Variants in LMLN observed in about 807,000 individuals in gnomAD.
LMLN encodes leishmanolysin-like peptidase.
LMLN carries 70 observed loss-of-function variants against 92.3 expected under a neutral mutation model. That is an observed-to-expected ratio of 0.76 (90% confidence interval 0.63 to 0.92). The LOEUF (loss-of-function observed/expected upper bound fraction) is 0.92, where lower values mean the gene tolerates loss of function less well. LMLN is among the 40% of genes least tolerant of loss of function. The pLI is 0.00. For missense variants in LMLN, 691 were observed against 814.6 expected (o/e 0.85, Z 1.85); for synonymous variants, 308 against 296.2 (o/e 1.04, Z -0.41).
chr3:198,014,266 G>A (rs1396642687), intron 11 of LMLN, among the ~76,000 whole-genome samples: 2 of 141,652 alleles, frequency 1.4e-5, no homozygotes, highest in East Asian at 2.2e-4. Context: ...TAACTAGTCT[G>A]ACTTCTCTCC....
intron 9 of LMLN, among the ~76,000 whole-genome samples, chr3:197,993,231 C>T (rs1400343545): frequency 3.3e-5 from 5 of 152,024 alleles, no homozygotes; most frequent in African/African-American, 1.2e-4. Flanking sequence ...ACACTCTTAC[C>T]ACTTGTACAT....
chr3:197,975,754 G>A (rs1721356574), intron 3 of LMLN, among the ~76,000 whole-genome samples: 1 of 152,092 alleles, frequency 6.6e-6, no homozygotes, highest in South Asian at 2.1e-4. Context: ...AAAAATAGTT[G>A]AGATATATGT....
chr3:197,972,742 T>C (rs536226746), intron 1 of LMLN, among the ~76,000 whole-genome samples: 1 of 152,280 alleles, frequency 6.6e-6, no homozygotes, highest in East Asian at 1.9e-4. Flanking sequence ...TTAACTGTAT[T>C]CAAAATTCCA....
chr3:197,968,481 A>G (rs1721125516), intron 1 of LMLN, among the ~76,000 whole-genome samples: 1 of 152,032 alleles, frequency 6.6e-6, no homozygotes. Flanking sequence ...AGAAATTGTA[A>G]GAGTATTATT....
At chr3:197,981,774 C>T (rs1202121928) in intron 6 of LMLN, among the ~76,000 whole-genome samples, 1 of 150,168 alleles carries the variant, frequency 6.7e-6, no homozygotes, top group Non-Finnish European at 1.5e-5. Flanking sequence ...TTGAGATTAG[C>T]GATTAGCTGA....
intron 5 of LMLN, among the ~76,000 whole-genome samples, chr3:197,979,056 A>G (rs1294758355): frequency 1.3e-5 from 2 of 152,160 alleles, no homozygotes; most frequent in African/African-American, 4.8e-5. Flanking sequence ...GTCATTAACC[A>G]TAGTCACTGT....
chr3:198,038,830 C>A (rs760085355), exon 16 of LMLN: 1 of 580,080 alleles, frequency 1.7e-6, no homozygotes, highest in African/African-American at 1.9e-5. Flanking sequence ...AACTTCACAG[C>A]AGCCTGTCCT....
At chr3:197,997,099 CCTTTTA>C (rs1236103041) in intron 10 of LMLN, among the ~76,000 whole-genome samples, 12 of 116,740 alleles carry the variant, frequency 1.0e-4, no homozygotes, top group African/African-American at 4.1e-4. Context: ...CTTTTCCTTT[CCTTTTA>C]CTTTTCTTTT....
At chr3:198,013,651 C>G (rs1722520873) in intron 11 of LMLN, among the ~76,000 whole-genome samples, 1 of 132,506 alleles carries the variant, frequency 7.5e-6, no homozygotes, top group African/African-American at 3.5e-5. Context: ...TCTCTCCACC[C>G]TTCAGAGCCC....
chr3:197,977,664 A>C (rs1044687516), intron 5 of LMLN, among the ~76,000 whole-genome samples: 1 of 151,870 alleles, frequency 6.6e-6, no homozygotes, highest in African/African-American at 2.4e-5. Context: ...ATCATCAAAC[A>C]ATCTGGAAGT....
At chr3:197,968,765 G>A (rs1721133922) in intron 1 of LMLN, among the ~76,000 whole-genome samples, 2 of 152,208 alleles carry the variant, frequency 1.3e-5, no homozygotes, top group African/African-American at 4.8e-5. Flanking sequence ...TTCAGGAAGA[G>A]TCTCTGTAGA....
intron 3 of LMLN, among the ~76,000 whole-genome samples, chr3:197,975,499 G>A (rs577325380): frequency 1.4e-4 from 20 of 147,772 alleles, no homozygotes; most frequent in African/African-American, 2.9e-4. Flanking sequence ...GCACACACAC[G>A]CGCACGTGCA....
rs1312212080 is a variant in LMLN at position 198,042,557 on chromosome 3, T to G, written c.*3890T>G. ...GCAAAGACGAAGCCACGTCGCTGTG[T>G]TAAGAGGGACAGGCTGGGCCGGCTG... On this transcript the variant is annotated 3_prime_UTR_variant, in exon 16 of 16. Coordinates refer to ENST00000330198, the Ensembl canonical transcript of LMLN. This position sits in a 1 kb window ranked among gnomAD's most constrained non-coding sequence, Gnocchi z 4.2. 1 of 152,180 alleles carries G rather than the reference T, an allele frequency of 6.6e-6. No homozygotes were observed. The highest frequency in any genetic ancestry group is 6.5e-5 in the Admixed American group (1 of 15,274). The allele number at this position is 152,180 out of a possible 1,614,324, so 9.4% of individuals were successfully genotyped here.
chr3:198,022,750 G>A (rs1285384947), intron 13 of LMLN, among the ~76,000 whole-genome samples: 1 of 152,340 alleles, frequency 6.6e-6, no homozygotes, highest in East Asian at 1.9e-4. Flanking sequence ...CAGCTATGGA[G>A]GAGGACGAAG....
chr3:198,000,929 T>A (rs1222471623), intron 11 of LMLN, among the ~76,000 whole-genome samples: 2 of 151,910 alleles, frequency 1.3e-5, no homozygotes, highest in Non-Finnish European at 2.9e-5. Flanking sequence ...TTTTTTTTTA[T>A]TTTTAGTTTT....
intron 14 of LMLN, among the ~76,000 whole-genome samples, chr3:198,029,753 A>G (rs1453221292): frequency 6.6e-6 from 1 of 151,904 alleles, no homozygotes; most frequent in Non-Finnish European, 1.5e-5. Context: ...ACTTCTTCCC[A>G]GAGTCTTCAC....
chr3:198,007,486 G>C (rs1425727070), intron 11 of LMLN, among the ~76,000 whole-genome samples: 1 of 151,538 alleles, frequency 6.6e-6, no homozygotes, highest in African/African-American at 2.4e-5. Context: ...CCATCAGTTG[G>C]GTGTATTTGT....
At chr3:197,976,800 T>G in intron 5 of LMLN, 85 bp downstream of exon 5, 1 of 596,330 alleles carries the variant, frequency 1.7e-6, no homozygotes, top group East Asian at 3.0e-5. Context: ...CAGATTCAAG[T>G]TCAAAGGCTT....
intron 13 of LMLN, among the ~76,000 whole-genome samples, chr3:198,023,433 T>G (rs1353646336): frequency 1.3e-5 from 2 of 152,064 alleles, no homozygotes; most frequent in Non-Finnish European, 2.9e-5. Context: ...AAGCGGTCCT[T>G]CCTCCTTGGC....
Sources: gnomAD v4.1 joint callset for allele counts (sites outside exome capture counted in the v4.1 genomes callset) on GRCh38, gnomAD v4.1.1 for gene constraint, Gnocchi (gnomAD v3.1) non-coding constraint, MANE v1.5 for transcripts, NCBI Gene and HGNC (gene_info 2026-07-23, HGNC 2026-07-21) for gene names.